DSG4: variants seen among roughly 807,000 people sequenced by gnomAD.
DSG4 encodes the protein desmoglein 4, also known as desmoglein-4.
DSG4 carries 87 observed loss-of-function variants against 93.1 expected under a neutral mutation model. The observed-to-expected ratio is 0.93, with a 90% CI of 0.79 to 1.12. The LOEUF (loss-of-function observed/expected upper bound fraction) is 1.12. Among genes scored for constraint, DSG4 ranks in the 50% most tolerant of loss-of-function variants. DSG4 has a pLI of 0.00. For synonymous variants in DSG4, 432 were observed against 452.9 expected, an observed-to-expected ratio of 0.95 and a Z score of 0.59; for missense variants, 1,373 against 1,285.7, an observed-to-expected ratio of 1.07 and a Z score of -1.04.
chr18:31,408,750 T>C (rs2072454056), intron 12 of DSG4, among the ~76,000 whole-genome samples: 1 of 152,156 alleles, frequency 6.6e-6, no homozygotes, highest in Admixed American at 6.5e-5. Flanking sequence ...TAGGAAAGTA[T>C]GAAAAGCAAC....
chr18:31,409,153 C>T (rs760324866), intron 12 of DSG4, among the ~76,000 whole-genome samples: 8 of 152,134 alleles, frequency 5.3e-5, no homozygotes, highest in Admixed American at 2.0e-4. Flanking sequence ...CCAACCAGTT[C>T]AAGAGTCTTA....
chr18:31,404,268 A>G (rs2072401080), intron 11 of DSG4, among the ~76,000 whole-genome samples: 1 of 152,236 alleles, frequency 6.6e-6, no homozygotes, highest in Admixed American at 6.5e-5. Context: ...TGCATAAACC[A>G]AAGAAAGTAA....
At chr18:31,386,172 A>G (rs990115617) in intron 2 of DSG4, among the ~76,000 whole-genome samples, 1 of 152,172 alleles carries the variant, frequency 6.6e-6, no homozygotes, top group Non-Finnish European at 1.5e-5. Flanking sequence ...CTGCAAAAAT[A>G]TACTTGGGTG....
In DSG4 at chr18:31,387,766, G is replaced by C. The variant is rs145226441; in HGVS notation, c.217-601G>C. On this transcript the variant is annotated intron_variant, in intron 3 of 15. Coordinates refer to ENST00000308128, the MANE Select transcript of DSG4 (RefSeq NM_177986.5). ...GCTCTTATCGTTAGTATATAGGTGA[G>C]ATTTCAAAATTGTTTCAGTTTAAAT... is the stretch of plus-strand genomic sequence containing the variant. 3.0e-3 allele frequency among the ~76,000 whole-genome samples: 452 copies of C among 152,154 alleles called. 4 individuals are homozygous for C. Among genetic ancestry groups the C allele is most frequent in the African/African-American group, 0.01 (429 of 41,522 alleles).
At chr18:31,389,044 A>G (rs1163918012) in intron 5 of DSG4, 26 bp downstream of exon 5, 4 of 1,611,470 alleles carry the variant, frequency 2.5e-6, no homozygotes, top group Non-Finnish European at 3.4e-6. Flanking sequence ...TTCCTTCTCT[A>G]CGTCACAGCA....
At chr18:31,409,026 G>A (rs150201244) in intron 12 of DSG4, among the ~76,000 whole-genome samples, 3 of 152,112 alleles carry the variant, frequency 2.0e-5, no homozygotes, top group East Asian at 1.9e-4. Flanking sequence ...AAGTGTAACT[G>A]TAATAAGGAT....
chr18:31,385,734 G>A (rs2072180441), intron 2 of DSG4, among the ~76,000 whole-genome samples: 1 of 151,972 alleles, frequency 6.6e-6, no homozygotes, highest in Admixed American at 6.6e-5. Flanking sequence ...GGTGAAATAG[G>A]GAATAGGTGG....
At position 31,392,249 on chromosome 18, in the gene DSG4, C is replaced by A; in HGVS notation, c.914C>A (p.Ala305Asp). 6.2e-7 allele frequency: 1 copy of A among 1,613,692 alleles called. No homozygotes were observed. The highest frequency in any genetic ancestry group is 8.5e-7 in the Non-Finnish European group (1 of 1,179,830). Reference protein sequence around the residue: ...LDEEGTDNWLAQYLILSGNDG... With the variant: ...LDEEGTDNWLDQYLILSGNDG... ...GAAGAAGGCACTGATAACTGGTTGG[C>A]TCAATATTTAATTCTCTCTGGAAAT... is the stretch of plus-strand genomic sequence containing the variant. The change falls in exon 8 of 16, where the codon GCT (alanine) becomes GAT (aspartate). Residue 305 changes from alanine (A) to aspartate (D), a missense_variant. By Grantham distance (126) the Ala-to-Asp change is moderately radical. Transcript: ENST00000308128.
At chr18:31,412,477 A>G (rs1420186416) in intron 15 of DSG4, among the ~76,000 whole-genome samples, 1 of 152,260 alleles carries the variant, frequency 6.6e-6, no homozygotes. Flanking sequence ...ATAGTTAACA[A>G]TAATTTATTA....
At chr18:31,393,784 C>T (rs186124854) in intron 8 of DSG4, among the ~76,000 whole-genome samples, 2 of 152,290 alleles carry the variant, frequency 1.3e-5, no homozygotes, top group East Asian at 3.9e-4. Flanking sequence ...GGGTCTTTCG[C>T]TTTTCTTTCT....
chr18:31,403,735 T>C lies in DSG4; in HGVS notation c.1636+101T>C, dbSNP rs139091386. On this transcript the variant is annotated intron_variant, in intron 11 of 15. Transcript: ENST00000308128. The stretch of plus-strand genomic sequence containing the variant: ...CTTAATAAAACATTCTACTTCTGTT[T>C]CCACAGTTCTTGCCATATTAACATT... The C allele has an allele frequency of 6.7e-6, 7 of 1,042,554 alleles. No homozygotes were observed. In the East Asian group the frequency reaches 1.5e-4, roughly 23 times the overall value. The allele number at this position is 1,042,554 out of a possible 1,614,324, so 64.6% of individuals were successfully genotyped here. A position where few individuals can be genotyped will look rare whatever the true frequency, so the allele number is the denominator to read the frequency against.
Position 31,399,414 on chromosome 18 carries a change from CT to C in DSG4, c.1149del (p.Ala384HisfsTer15). 6.2e-7 allele frequency: 1 copy of C among 1,614,084 alleles called. No individual in the cohort carries two copies. The highest frequency in any genetic ancestry group is 8.5e-7 in the Non-Finnish European group (1 of 1,179,962). On this transcript the variant is annotated frameshift_variant, in exon 9 of 16. Transcript: ENST00000308128. LOFTEE classifies it high-confidence loss of function. ...CAAGTTGTTGATGTGAGAGAAGGAC[CT>C]GCATTTCATCCAAGTACTATGGCTT... Reference protein sequence around the residue: ...RIQVVDVREGPAFHPSTMAFS... With the variant: ...RIQVVDVREGXAFHPSTMAFS...
intron 8 of DSG4, 39 bp downstream of exon 8, chr18:31,392,379 T>C: frequency 6.2e-7 from 1 of 1,602,866 alleles, no homozygotes; most frequent in Non-Finnish European, 8.5e-7. Flanking sequence ...TTCCAAAATA[T>C]TTTATTCCAA....
Position 31,412,986 on chromosome 18 carries a change from A to G in DSG4, c.2514A>G (p.Pro838=). The G allele has an allele frequency of 6.2e-7, 1 of 1,614,224 alleles. No homozygotes were observed. Among genetic ancestry groups the G allele is most frequent in the Non-Finnish European group, 8.5e-7 (1 of 1,180,038 alleles). ...AAAGCTGCATGGAAACTTTAGATCC[A>G]AAATTTAGGACTCTTGCTGAGATCT... ...LDESCMETLD[P]KFRTLAEICL... Residue 838 remains proline (P), a synonymous_variant, in exon 16 of 16, where the codon CCA becomes CCG. Transcript: ENST00000308128.
intron 3 of DSG4, among the ~76,000 whole-genome samples, chr18:31,387,183 A>G (rs983547349): frequency 1.3e-4 from 20 of 152,180 alleles, no homozygotes; most frequent in African/African-American, 4.8e-4. Context: ...AGATGAATTA[A>G]CTCCAGGAAA....
chr18:31,398,047 A>G (rs913445857), intron 8 of DSG4, among the ~76,000 whole-genome samples: 1 of 151,652 alleles, frequency 6.6e-6, no homozygotes, highest in Non-Finnish European at 1.5e-5. Context: ...AAAAAAAAAA[A>G]AACTTGAGGT....
intron 1 of DSG4, among the ~76,000 whole-genome samples, chr18:31,378,293 G>A (rs182517238): frequency 5.6e-4 from 85 of 152,302 alleles, no homozygotes; most frequent in Middle Eastern, 3.4e-3. Context: ...GCAAGAATCG[G>A]ACTTGGTCTT....
At chr18:31,412,265 C>G (rs1452189979) in intron 15 of DSG4, among the ~76,000 whole-genome samples, 2 of 152,116 alleles carry the variant, frequency 1.3e-5, no homozygotes, top group Non-Finnish European at 2.9e-5. Context: ...ATATGCCAGG[C>G]ACAGAAAGAC....
chr18:31,387,049 A>G (rs968423303), intron 3 of DSG4, among the ~76,000 whole-genome samples: 1 of 152,190 alleles, frequency 6.6e-6, no homozygotes, highest in African/African-American at 2.4e-5. Context: ...CTCCAGCACA[A>G]CTGGGCTTTG....
Sources: allele counts gnomAD v4.1 joint callset (sites outside exome capture counted in the v4.1 genomes callset), GRCh38; gene constraint gnomAD v4.1.1; transcripts MANE v1.5; gene names NCBI Gene and HGNC (gene_info 2026-07-23, HGNC 2026-07-21).